DIAPH3: variants seen among roughly 807,000 people sequenced by gnomAD.
The protein encoded by DIAPH3 is protein diaphanous homolog 3.
A neutral mutation model predicts 144.3 loss-of-function variants in DIAPH3; 117 were observed. That is an observed-to-expected ratio of 0.81 (90% CI 0.70 to 0.95). DIAPH3 has a LOEUF of 0.95. Among genes scored for constraint, DIAPH3 ranks in the 40% least tolerant of loss-of-function variants. The pLI, the probability that DIAPH3 is intolerant of heterozygous loss-of-function variation, is 0.00. For synonymous variants in DIAPH3, 519 were observed against 488.9 expected (o/e 1.06, Z -0.81); for missense variants, 1,421 against 1,412.7 (o/e 1.01, Z -0.09).
Position 59,955,771 on chromosome 13 carries a change from T to C in DIAPH3, c.2074+14173A>G, listed in dbSNP as rs994010849. Among the ~76,000 whole-genome samples, 13 of 152,290 alleles carry C rather than the reference T, an allele frequency of 8.5e-5. No individual in the cohort carries two copies. In the East Asian group the frequency reaches 2.3e-3, roughly 27 times the overall value. On this transcript the variant is annotated intron_variant, in intron 17 of 27. Transcript: ENST00000400324. ...CTTCCTAGAGACTTGTTGAATGGTT[T>C]TAACCAAAATGCTGACAGTAATATT...
intron 20 of DIAPH3, among the ~76,000 whole-genome samples, chr13:59,907,962 G>A (rs1230225319): frequency 6.6e-6 from 1 of 152,112 alleles, no homozygotes; most frequent in Non-Finnish European, 1.5e-5. Flanking sequence ...GTGGTTAGAA[G>A]TTTCAAGGAT....
At chr13:59,843,359 G>A (rs759188259) in intron 22 of DIAPH3, among the ~76,000 whole-genome samples, 5 of 152,172 alleles carry the variant, frequency 3.3e-5, no homozygotes, top group Non-Finnish European at 5.9e-5. Context: ...CCAGCTACTG[G>A]TAACTGAAGA....
At chr13:59,685,502 C>T (rs915921579) in intron 27 of DIAPH3, among the ~76,000 whole-genome samples, 22 of 152,216 alleles carry the variant, frequency 1.4e-4, no homozygotes, top group Middle Eastern at 6.8e-3. Context: ...ACTGAATCCT[C>T]CTTTGAGGTG....
At chr13:60,153,481 A>G (rs1951893053) in intron 1 of DIAPH3, 2 of 152,106 alleles carry the variant, frequency 1.3e-5, no homozygotes, top group South Asian at 2.1e-4. Flanking sequence ...GCCTCTGCTA[A>G]CAGTGTAAGG....
At chr13:60,128,436 T>C (rs1029396425) in intron 2 of DIAPH3, among the ~76,000 whole-genome samples, 17 of 152,204 alleles carry the variant, frequency 1.1e-4, no homozygotes, top group African/African-American at 3.9e-4. Context: ...AGCAATGAGA[T>C]TGCTGGATCA....
intron 5 of DIAPH3, among the ~76,000 whole-genome samples, chr13:60,030,734 T>A (rs867692810): frequency 3.2e-4 from 48 of 152,294 alleles, no homozygotes; most frequent in African/African-American, 1.1e-3. Context: ...TCTAAAGATG[T>A]GTTGTCCAAT....
chr13:59,719,994 G>A (rs1158569177), intron 27 of DIAPH3, among the ~76,000 whole-genome samples: 1 of 152,164 alleles, frequency 6.6e-6, no homozygotes, highest in African/African-American at 2.4e-5. Context: ...TAGTTGGGAA[G>A]GGGAAAGTGT....
intron 17 of DIAPH3, among the ~76,000 whole-genome samples, chr13:59,941,439 G>A (rs1339001360): frequency 6.6e-6 from 1 of 152,076 alleles, no homozygotes; most frequent in Non-Finnish European, 1.5e-5. Flanking sequence ...GAGCCACCTG[G>A]GGAGTAACTC....
intron 22 of DIAPH3, 150 bp from the exon 23 acceptor site, chr13:59,839,598 T>C: frequency 1.3e-6 from 1 of 777,202 alleles, no homozygotes; most frequent in Non-Finnish European, 1.8e-6. Flanking sequence ...TTTTAACCTT[T>C]CAATTTAAAA....
At chr13:60,027,906 C>T (rs116662712) in intron 5 of DIAPH3, among the ~76,000 whole-genome samples, 221 of 152,148 alleles carry the variant, frequency 1.5e-3, no homozygotes, top group African/African-American at 5.1e-3. Context: ...GGCTTTTCAC[C>T]GCTTGTCCCC....
intron 27 of DIAPH3, among the ~76,000 whole-genome samples, chr13:59,739,744 A>G (rs953243037): frequency 3.9e-5 from 6 of 152,154 alleles, no homozygotes; most frequent in African/African-American, 1.4e-4. Context: ...TCACAGCGCT[A>G]CAGAGACTCC....
At chr13:60,004,135 C>A (rs1387537764) in intron 9 of DIAPH3, among the ~76,000 whole-genome samples, 1 of 152,090 alleles carries the variant, frequency 6.6e-6, no homozygotes, top group East Asian at 1.9e-4. Context: ...CTCATTTTCT[C>A]CAATTTAAAA....
chr13:59,996,821 A>G (rs1343813722), intron 9 of DIAPH3, among the ~76,000 whole-genome samples: 1 of 152,060 alleles, frequency 6.6e-6, no homozygotes. Flanking sequence ...TAACAACAAG[A>G]TAGAGGAACA....
At chr13:59,973,853 C>T (rs1036201997) in intron 15 of DIAPH3, among the ~76,000 whole-genome samples, 4 of 152,082 alleles carry the variant, frequency 2.6e-5, no homozygotes, top group Non-Finnish European at 4.4e-5. Flanking sequence ...TGCATGGGAG[C>T]TATCTGCTTC....
chr13:60,066,240 T>C (rs2056960705), intron 4 of DIAPH3, among the ~76,000 whole-genome samples: 1 of 151,574 alleles, frequency 6.6e-6, no homozygotes, highest in African/African-American at 2.4e-5. Flanking sequence ...TTAATAATAA[T>C]CAATACAACA....
At chr13:59,950,135 TATTTTAA>T (rs2049024872) in intron 17 of DIAPH3, among the ~76,000 whole-genome samples, 2 of 102,470 alleles carry the variant, frequency 2.0e-5, no homozygotes, top group African/African-American at 7.6e-5. Flanking sequence ...GACAATATAA[TATTTTAA>T]TTTATTTATA....
At position 59,918,852 on chromosome 13, in the gene DIAPH3, A is replaced by T. The variant is rs183292799; in HGVS notation, c.2171-2603T>A. On this transcript the variant is annotated intron_variant, in intron 18 of 27. Transcript: ENST00000400324. ...CACCAAAGGGACAAAATCAGCTGCCAGTGATGTACACTAGAGATGGACATG... is the reference window on the plus strand; with the variant it reads ...CACCAAAGGGACAAAATCAGCTGCCTGTGATGTACACTAGAGATGGACATG... Among the ~76,000 whole-genome samples the T allele has an allele frequency of 2.0e-5, 3 of 151,956 alleles. No individual in the cohort carries two copies. In the East Asian group the frequency reaches 5.8e-4, roughly 30 times the overall value.
Position 59,974,339 on chromosome 13 carries a change from AG to A in DIAPH3, c.1650+12del. 6.3e-7 allele frequency: 1 copy of A among 1,599,426 alleles called. No homozygotes were observed. The highest frequency in any genetic ancestry group is 8.6e-7 in the Non-Finnish European group (1 of 1,168,116). ...GTTTTTAATACCCAAATTCACTCAG[AG>A]TGGAATTTTACCTGAGACTTAAAAG... On this transcript the variant is annotated intron_variant, in intron 15 of 27. Transcript: ENST00000400324.
intron 5 of DIAPH3, among the ~76,000 whole-genome samples, chr13:60,017,005 TGAAG>T (rs1165460753): frequency 2.0e-5 from 3 of 152,080 alleles, no homozygotes; most frequent in African/African-American, 7.2e-5. Context: ...ACCAAAAGAA[TGAAG>T]GAAAGAAAAG....
Sources: allele counts gnomAD v4.1 joint callset (sites outside exome capture counted in the v4.1 genomes callset), GRCh38; gene constraint gnomAD v4.1.1; transcripts MANE v1.5; gene names NCBI Gene and HGNC (gene_info 2026-07-23, HGNC 2026-07-21).